Variants in PRKAR1B observed in about 807,000 individuals in gnomAD.
PRKAR1B encodes the protein protein kinase cAMP-dependent type I regulatory subunit beta, also known as cAMP-dependent protein kinase type I-beta regulatory subunit.
Under a neutral mutation model 46.5 loss-of-function variants are expected in PRKAR1B, and 22 were observed. The ratio of observed to expected loss-of-function variants is 0.47; its 90% confidence interval spans 0.34 to 0.68. The LOEUF (loss-of-function observed/expected upper bound fraction) is 0.68. Ranked by LOEUF, PRKAR1B falls within the 30% of genes least tolerant of loss-of-function variation. PRKAR1B has a pLI of 0.01. For synonymous variants in PRKAR1B, 259 were observed against 217.7 expected, an observed-to-expected ratio of 1.19 and a Z score of -1.67; for missense variants, 445 against 535.6, an observed-to-expected ratio of 0.83 and a Z score of 1.67.
intron 4 of PRKAR1B, among the ~76,000 whole-genome samples, chr7:626,598 C>T (rs1249559524): frequency 2.0e-5 from 3 of 151,996 alleles, no homozygotes; most frequent in African/African-American, 7.3e-5. Flanking sequence ...CAATTCTCTA[C>T]ATTAGCTTCA....
chr7:595,629 C>T (rs112468118), intron 7 of PRKAR1B, among the ~76,000 whole-genome samples: 34 of 152,200 alleles, frequency 2.2e-4, no homozygotes, highest in Non-Finnish European at 4.3e-4. Context: ...GCACCCCCGC[C>T]GCCCACAGCA....
At chr7:725,417 C>T (rs971836018) in intron 1 of PRKAR1B, among the ~76,000 whole-genome samples, 2 of 152,142 alleles carry the variant, frequency 1.3e-5, no homozygotes, top group African/African-American at 2.4e-5. Flanking sequence ...CTGTCAAACT[C>T]GCGTTCTAGG....
intron 4 of PRKAR1B, among the ~76,000 whole-genome samples, chr7:669,905 G>A (rs866917817): frequency 2.3e-5 from 3 of 130,460 alleles, no homozygotes; most frequent in African/African-American, 5.9e-5. Context: ...TTGCTCTGTC[G>A]CCCAGGCTGG....
chr7:557,326 C>A (rs1267897902), intron 9 of PRKAR1B, among the ~76,000 whole-genome samples: 1 of 152,240 alleles, frequency 6.6e-6, no homozygotes, highest in Non-Finnish European at 1.5e-5. Flanking sequence ...GGGACAGACA[C>A]CCACCCACCT....
chr7:594,550 G>C (rs546764579), intron 7 of PRKAR1B, among the ~76,000 whole-genome samples: 6 of 152,190 alleles, frequency 3.9e-5, no homozygotes, highest in African/African-American at 1.4e-4. Flanking sequence ...CCAAACCACA[G>C]GCGCTGGCTC....
chr7:707,649 G>A (rs182053011), intron 2 of PRKAR1B, among the ~76,000 whole-genome samples: 1 of 152,280 alleles, frequency 6.6e-6, no homozygotes, highest in Admixed American at 6.5e-5. Context: ...TCATTGGGGT[G>A]GCCTTGGTCC....
At position 550,397 on chromosome 7, in the gene PRKAR1B, T is replaced by C. The variant is rs1784105451; in HGVS notation, c.*33A>G. The C allele has an allele frequency of 1.9e-6, 3 of 1,562,736 alleles. No individual in the cohort carries two copies. Among genetic ancestry groups the C allele is most frequent in the Non-Finnish European group, 8.7e-7 (1 of 1,153,354 alleles). On this transcript the variant is annotated 3_prime_UTR_variant, in exon 11 of 11. Coordinates refer to ENST00000537384, the MANE Select transcript of PRKAR1B (RefSeq NM_001164760.2). ...GACGAGCAGGGCACGGCCACCACAC[T>C]GGGGAGCTGGGGCTGCAGGGCGGGA...
At chr7:582,018 T>C (rs551967085) in intron 8 of PRKAR1B, among the ~76,000 whole-genome samples, 27 of 152,276 alleles carry the variant, frequency 1.8e-4, no homozygotes, top group Middle Eastern at 3.4e-3. Context: ...CATGTCCAGC[T>C]AATTTTTTAT....
chr7:707,358 T>C (rs1780382869), intron 2 of PRKAR1B, among the ~76,000 whole-genome samples: 1 of 152,198 alleles, frequency 6.6e-6, no homozygotes, highest in Non-Finnish European at 1.5e-5. Context: ...TTTCTTTGCA[T>C]ATAACACATT....
intron 2 of PRKAR1B, among the ~76,000 whole-genome samples, chr7:693,337 G>A (rs1213733031): frequency 2.6e-5 from 4 of 151,118 alleles, no homozygotes; most frequent in Non-Finnish European, 2.9e-5. Context: ...CACATTCACC[G>A]TGCTGTGCAA....
chr7:725,459 T>C (rs1287777995), intron 1 of PRKAR1B, among the ~76,000 whole-genome samples: 3 of 152,192 alleles, frequency 2.0e-5, no homozygotes, highest in Non-Finnish European at 2.9e-5. Flanking sequence ...CTCCAAGCTG[T>C]TTAGGCGCCT....
chr7:560,364 ATAAT>A lies in PRKAR1B; in HGVS notation c.892-8898_892-8895del, dbSNP rs1778709301. Among the ~76,000 whole-genome samples the A allele has an allele frequency of 1.1e-5, 1 of 89,210 alleles. No homozygotes were observed. Among genetic ancestry groups the A allele is most frequent in the East Asian group, 2.7e-4 (1 of 3,684 alleles). The allele number at this position is 89,210 out of a possible 152,430, so 58.5% of individuals were successfully genotyped here. A position where few individuals can be genotyped will look rare whatever the true frequency, so the allele number is the denominator to read the frequency against. Reference sequence around the variant, plus strand: ...GTGTTAGAATGAACTAATACAAATAATAATAATAATAATAATAATAATAATAAAT... The same window carrying A: ...GTGTTAGAATGAACTAATACAAATAAAATAATAATAATAATAATAATAAAT... On this transcript the variant is annotated intron_variant, in intron 9 of 10. Transcript: ENST00000537384. This position sits in a 1 kb window ranked among gnomAD's most constrained non-coding sequence, Gnocchi z 4.2.
intron 4 of PRKAR1B, among the ~76,000 whole-genome samples, chr7:656,209 AATGGATAAATGAGTGACTGAATGG>A (rs1218332369): frequency 1.6e-4 from 24 of 152,172 alleles, no homozygotes; most frequent in African/African-American, 5.6e-4. Context: ...AAAATGAATG[AATGGATAAATGAGTGACTGAATGG>A]ATGGATAAAT....
intron 6 of PRKAR1B, among the ~76,000 whole-genome samples, chr7:604,764 AG>A (rs1781906937): frequency 6.6e-6 from 1 of 152,202 alleles, no homozygotes; most frequent in Admixed American, 6.5e-5. Flanking sequence ...ACCGGAGGCC[AG>A]ACCTCGAAAT....
At chr7:692,037 G>T (rs1779459165) in intron 2 of PRKAR1B, among the ~76,000 whole-genome samples, 1 of 152,152 alleles carries the variant, frequency 6.6e-6, no homozygotes, top group Non-Finnish European at 1.5e-5. Context: ...CGGCTGTATG[G>T]GACCCGCTCT....
intron 4 of PRKAR1B, among the ~76,000 whole-genome samples, chr7:615,934 G>A (rs779614205): frequency 2.0e-5 from 3 of 151,196 alleles, no homozygotes; most frequent in Non-Finnish European, 4.4e-5. Flanking sequence ...AAGGAAGAAA[G>A]AGGCAGAGAA....
chr7:672,950 T>A (rs1031551320), intron 4 of PRKAR1B, among the ~76,000 whole-genome samples: 1 of 144,604 alleles, frequency 6.9e-6, no homozygotes, highest in Non-Finnish European at 1.5e-5. Flanking sequence ...GAAGTTGAGG[T>A]AGGAGAATCA....
intron 6 of PRKAR1B, among the ~76,000 whole-genome samples, chr7:596,853 G>A (rs1422789538): frequency 6.6e-6 from 1 of 152,258 alleles, no homozygotes; most frequent in African/African-American, 2.4e-5. Flanking sequence ...CTCAAGTGCA[G>A]ACCTCTCCTG....
chr7:728,607 T>C (rs951627054), upstream of PRKAR1B, among the ~76,000 whole-genome samples: 4 of 152,172 alleles, frequency 2.6e-5, no homozygotes, highest in Non-Finnish European at 4.4e-5. Flanking sequence ...GCATTTAATG[T>C]ATTTCTTCTT....
Sources: gnomAD v4.1 joint callset for allele counts (sites outside exome capture counted in the v4.1 genomes callset) on GRCh38, gnomAD v4.1.1 for gene constraint, Gnocchi (gnomAD v3.1) non-coding constraint, MANE v1.5 for transcripts, NCBI Gene and HGNC (gene_info 2026-07-23, HGNC 2026-07-21) for gene names.